Variants in FRMPD2 observed in about 807,000 individuals in gnomAD.
FRMPD2 encodes the protein FERM and PDZ domain containing 2.
Under a neutral mutation model 140.1 loss-of-function variants are expected in FRMPD2, and 96 were observed. The observed-to-expected ratio is 0.69, with a 90% confidence interval of 0.58 to 0.81. FRMPD2 has a LOEUF of 0.81. FRMPD2 is among the 40% of genes least tolerant of loss of function. The pLI, the probability that FRMPD2 is intolerant of heterozygous loss-of-function variation, is 0.00. For synonymous variants in FRMPD2, 449 were observed against 547.6 expected (o/e 0.82, Z 2.52); for missense variants, 1,240 against 1,447.4 (o/e 0.86, Z 2.32).
intron 15 of FRMPD2, 105 bp from the exon 16 acceptor site, chr10:48,192,999 C>T (rs555894174): frequency 2.3e-4 from 184 of 808,098 alleles, no homozygotes; most frequent in Non-Finnish European, 3.4e-4. Flanking sequence ...TCTCCTCCTC[C>T]TTTCTTTTTC....
chr10:48,170,834 T>A (rs1397962215), intron 26 of FRMPD2, among the ~76,000 whole-genome samples, 160 bp downstream of exon 26: 5 of 152,050 alleles, frequency 3.3e-5, no homozygotes, highest in African/African-American at 1.2e-4. Context: ...TTAAATTAAA[T>A]GTGAGCATGT....
At chr10:48,186,824 G>A (rs1220996404) in intron 17 of FRMPD2, among the ~76,000 whole-genome samples, 3 of 152,186 alleles carry the variant, frequency 2.0e-5, no homozygotes, top group Non-Finnish European at 4.4e-5. Flanking sequence ...TGGCTGAAGG[G>A]ACTGCCATCT....
chr10:48,201,934 A>T (rs903724489), intron 14 of FRMPD2, among the ~76,000 whole-genome samples: 4 of 87,764 alleles, frequency 4.6e-5, no homozygotes, highest in African/African-American at 1.4e-4. Flanking sequence ...TTCTACAGAT[A>T]AAAAAAAAAA....
chr10:48,251,760 C>A, intron 1 of FRMPD2, 69 bp from the exon 2 acceptor site: 3 of 1,580,282 alleles, frequency 1.9e-6, no homozygotes, highest in East Asian at 4.5e-5. Context: ...CCGTACTCGC[C>A]ACTCTGGTGC....
At chr10:48,266,506 AG>A (rs1840680489) in intron 1 of FRMPD2, among the ~76,000 whole-genome samples, 1 of 152,252 alleles carries the variant, frequency 6.6e-6, no homozygotes, top group Non-Finnish European at 1.5e-5. Context: ...AATAGATTAA[AG>A]GGACAAAATA....
chr10:48,184,861 C>G lies in FRMPD2; in HGVS notation c.2380G>C (p.Glu794Gln). The change falls in exon 19 of 29, where the codon GAG becomes CAG. Residue 794 changes from glutamate (E) to glutamine (Q), a missense_variant. Transcript: ENST00000374201. ...RGFGFVINEG[E>Q]YSGQADPGIF... Reference sequence around the variant, plus strand: ...CCAGGGTCAGCTTGGCCTGAATACTCTCCCTCATTAATGACAAACCCTGTA... The same window carrying G: ...CCAGGGTCAGCTTGGCCTGAATACTGTCCCTCATTAATGACAAACCCTGTA... The G allele has an allele frequency of 6.2e-7, 1 of 1,612,268 alleles. No individual in the cohort carries two copies.
At chr10:48,216,761 C>T (rs774112360) in intron 12 of FRMPD2, among the ~76,000 whole-genome samples, 1 of 152,162 alleles carries the variant, frequency 6.6e-6, no homozygotes, top group Admixed American at 6.5e-5. Flanking sequence ...AAAGCCAAGG[C>T]TCAGAGAGAA....
At chr10:48,222,883 G>C (rs1839638290) in intron 11 of FRMPD2, among the ~76,000 whole-genome samples, 1 of 152,114 alleles carries the variant, frequency 6.6e-6, no homozygotes, top group Non-Finnish European at 1.5e-5. Flanking sequence ...GACCTTGAGT[G>C]GAGTATGTCT....
At chr10:48,214,669 T>C (rs1008866831) in intron 12 of FRMPD2, among the ~76,000 whole-genome samples, 1 of 152,216 alleles carries the variant, frequency 6.6e-6, no homozygotes, top group African/African-American at 2.4e-5. Context: ...TAGGAATATA[T>C]CCAAGAGAAA....
chr10:48,244,717 A>G (rs1751589024), intron 4 of FRMPD2, 67 bp downstream of exon 4: 2 of 1,221,576 alleles, frequency 1.6e-6, no homozygotes, highest in East Asian at 2.3e-5. Context: ...GTCCCTGCCC[A>G]GGAGAAAACC....
At chr10:48,190,126 C>T (rs887685895) in intron 16 of FRMPD2, among the ~76,000 whole-genome samples, 11 of 152,190 alleles carry the variant, frequency 7.2e-5, no homozygotes, top group African/African-American at 2.2e-4. Flanking sequence ...ATGACAGAAA[C>T]TCTAAATGTC....
At chr10:48,262,558 C>G (rs1318644435) in intron 1 of FRMPD2, among the ~76,000 whole-genome samples, 1 of 152,104 alleles carries the variant, frequency 6.6e-6, no homozygotes, top group East Asian at 1.9e-4. Flanking sequence ...GACTTCAGCA[C>G]CCCTCTATCA....
intron 28 of FRMPD2, among the ~76,000 whole-genome samples, chr10:48,160,379 A>G (rs1837903829): frequency 6.6e-6 from 1 of 151,414 alleles, no homozygotes; most frequent in Non-Finnish European, 1.5e-5. Flanking sequence ...CACCTGGCAG[A>G]TGGTAAGTTC....
At chr10:48,226,569 C>G (rs150984074) in intron 10 of FRMPD2, among the ~76,000 whole-genome samples, 4 of 152,288 alleles carry the variant, frequency 2.6e-5, no homozygotes, top group Admixed American at 2.6e-4. Context: ...CACTTTGACC[C>G]TTGTGTTATT....
chr10:48,178,009 T>A (rs1191572379), intron 22 of FRMPD2, 38 bp downstream of exon 22: 2 of 1,076,090 alleles, frequency 1.9e-6, no homozygotes, highest in South Asian at 2.6e-5. Context: ...GACGGACATC[T>A]TGTTAACTGC....
intron 20 of FRMPD2, among the ~76,000 whole-genome samples, chr10:48,183,816 C>A (rs1235873302): frequency 7.8e-6 from 1 of 128,474 alleles, no homozygotes; most frequent in African/African-American, 3.1e-5. Context: ...CGTGCCATTG[C>A]ACTCCATCCT....
intron 7 of FRMPD2, 133 bp downstream of exon 7, chr10:48,239,472 A>G (rs1840050160): frequency 3.4e-6 from 2 of 596,490 alleles, no homozygotes; most frequent in Non-Finnish European, 5.9e-6. Context: ...TCATCTGTTA[A>G]TGGAATAGCA....
At chr10:48,226,207 A>T (rs777523030) in intron 10 of FRMPD2, among the ~76,000 whole-genome samples, 1 of 152,262 alleles carries the variant, frequency 6.6e-6, no homozygotes, top group African/African-American at 2.4e-5. Flanking sequence ...AATGGGGCAC[A>T]TATTTCAATT....
chr10:48,191,825 A>G (rs1838836159), intron 16 of FRMPD2, among the ~76,000 whole-genome samples: 1 of 152,216 alleles, frequency 6.6e-6, no homozygotes, highest in African/African-American at 2.4e-5. Flanking sequence ...AGTTGCATTT[A>G]TAAGCCCACT....
Sources: gnomAD v4.1 joint callset for allele counts (sites outside exome capture counted in the v4.1 genomes callset) on GRCh38, gnomAD v4.1.1 for gene constraint, MANE v1.5 for transcripts, NCBI Gene and HGNC (gene_info 2026-07-23, HGNC 2026-07-21) for gene names.